Variants in MAST2 observed in about 807,000 individuals in gnomAD.
MAST2 encodes microtubule associated serine/threonine kinase 2.
In MAST2, 70 loss-of-function variants were observed where a neutral mutation model predicts 147.4. That is an observed-to-expected ratio of 0.47 (90% CI 0.39 to 0.58). The LOEUF (loss-of-function observed/expected upper bound fraction) is 0.58, where lower values mean the gene tolerates loss of function less well. MAST2 is among the 20% of genes least tolerant of loss of function. The probability of loss-of-function intolerance (pLI) is 0.00; values close to 1 mark genes in which losing one functional copy is unlikely to be tolerated. For missense variants in MAST2, 2,080 were observed against 2,302.3 expected, an observed-to-expected ratio of 0.90 and a Z score of 1.98; for synonymous variants, 869 against 896.8, an observed-to-expected ratio of 0.97 and a Z score of 0.55.
intron 3 of MAST2, among the ~76,000 whole-genome samples, chr1:45,870,640 T>C (rs1007209089): frequency 6.6e-6 from 1 of 151,656 alleles, no homozygotes; most frequent in Non-Finnish European, 1.5e-5. Context: ...ATCAGTGGAA[T>C]GCCGAGTACA....
chr1:46,006,116 G>C, intron 7 of MAST2, 125 bp from the exon 8 acceptor site: 1 of 897,268 alleles, frequency 1.1e-6, no homozygotes, highest in South Asian at 1.9e-5. Context: ...AGGGAGTAGG[G>C]GAAAGAAGAC....
chr1:45,928,352 T>C lies in MAST2; in HGVS notation c.501-31034T>C, dbSNP rs1329576471. 7.9e-5 allele frequency among the ~76,000 whole-genome samples: 12 copies of C among 152,318 alleles called. 1 individual carries two copies. The South Asian group carries it at 2.5e-3, about 32-fold the overall frequency. On this transcript the variant is annotated intron_variant, in intron 4 of 28. Coordinates refer to ENST00000361297, the MANE Select transcript of MAST2 (RefSeq NM_015112.3). ...TATCAATGTAATCAAATATCCAGTTTATGTTCAAATTTTTTTTGCAGTTGG... is the reference window on the plus strand; with the variant it reads ...TATCAATGTAATCAAATATCCAGTTCATGTTCAAATTTTTTTTGCAGTTGG...
chr1:45,994,274 C>CT (rs869216588), intron 5 of MAST2, among the ~76,000 whole-genome samples: 1,504 of 61,882 alleles, frequency 0.024, 112 homozygotes, highest in Non-Finnish European at 0.03. Context: ...CCCTAACCCT[C>CT]TTTTTTTTTT....
At chr1:46,009,633 ATGTT>A (rs1645634138) in intron 9 of MAST2, among the ~76,000 whole-genome samples, 1 of 152,198 alleles carries the variant, frequency 6.6e-6, no homozygotes, top group South Asian at 2.1e-4. Context: ...TCCTCCTTGT[ATGTT>A]AGGTGTTTTT....
At chr1:45,876,629 C>T (rs1009699111) in intron 3 of MAST2, among the ~76,000 whole-genome samples, 3 of 152,168 alleles carry the variant, frequency 2.0e-5, no homozygotes, top group Non-Finnish European at 4.4e-5. Context: ...AGCTTTTCTC[C>T]CCAACTTGCT....
intron 4 of MAST2, among the ~76,000 whole-genome samples, chr1:45,895,760 A>G (rs1648630369): frequency 6.6e-6 from 1 of 152,252 alleles, no homozygotes; most frequent in Non-Finnish European, 1.5e-5. Context: ...AGAGAGAAAC[A>G]GGCAAATATT....
intron 4 of MAST2, among the ~76,000 whole-genome samples, chr1:45,951,308 C>CA (rs1658896046): frequency 6.6e-6 from 1 of 151,554 alleles, no homozygotes; most frequent in African/African-American, 2.4e-5. Context: ...GGAGGCTGGA[C>CA]ATGATGGCTT....
At chr1:46,030,457 C>T (rs1000069486) in intron 21 of MAST2, 150 bp from the exon 22 acceptor site, 13 of 1,002,160 alleles carry the variant, frequency 1.3e-5, no homozygotes, top group East Asian at 2.6e-5. Context: ...AGTGGAATAA[C>T]TCCTTCCCCA....
chr1:45,849,822 C>T (rs967442458), intron 3 of MAST2, among the ~76,000 whole-genome samples: 2 of 152,080 alleles, frequency 1.3e-5, no homozygotes, highest in African/African-American at 2.4e-5. Context: ...CACTGTGCCC[C>T]GCCCATATTT....
At chr1:46,027,337 C>T (rs547883786) in intron 16 of MAST2, among the ~76,000 whole-genome samples, 1 of 152,300 alleles carries the variant, frequency 6.6e-6, no homozygotes, top group Admixed American at 6.5e-5. Flanking sequence ...CTCCCTGAAA[C>T]AGGAGTATTA....
chr1:45,808,499 G>A (rs1476034548), intron 1 of MAST2, among the ~76,000 whole-genome samples: 3 of 152,164 alleles, frequency 2.0e-5, no homozygotes, highest in Admixed American at 6.5e-5. Flanking sequence ...GTGAGCCACC[G>A]TGCCTGGCCC....
chr1:45,968,042 T>C (rs1643678770), intron 5 of MAST2, among the ~76,000 whole-genome samples: 2 of 152,224 alleles, frequency 1.3e-5, no homozygotes, highest in South Asian at 4.1e-4. Context: ...AGCACCAACA[T>C]GAACCTCACA....
At chr1:45,916,438 T>A (rs1183731580) in intron 4 of MAST2, among the ~76,000 whole-genome samples, 1 of 152,210 alleles carries the variant, frequency 6.6e-6, no homozygotes, top group Non-Finnish European at 1.5e-5. Context: ...ATTACCTGTT[T>A]TCAATCTAAT....
chr1:45,922,272 C>T (rs913232057), intron 4 of MAST2, among the ~76,000 whole-genome samples: 2 of 152,214 alleles, frequency 1.3e-5, no homozygotes, highest in Non-Finnish European at 2.9e-5. Flanking sequence ...GGACTGGCGA[C>T]CCATCCCCCA....
rs1388102616 is a variant in MAST2, at chr1:45,852,010, A to T, written c.468+22429A>T. Among the ~76,000 whole-genome samples the T allele has an allele frequency of 2.0e-5, 3 of 152,198 alleles. No homozygotes were observed. In the East Asian group the frequency reaches 5.8e-4, roughly 29 times the overall value. ...TATGGTTGCATAGGAAGTTGCAAAA[A>T]TAGTGCAGAGTACTATGAACCCTTC... On this transcript the variant is annotated intron_variant, in intron 3 of 28. Transcript: ENST00000361297.
chr1:45,845,419 A>G (rs542135283), intron 3 of MAST2, among the ~76,000 whole-genome samples: 49 of 152,276 alleles, frequency 3.2e-4, no homozygotes, highest in South Asian at 2.5e-3. Flanking sequence ...TGTTAACAAG[A>G]CTTAGTTGAT....
At chr1:45,968,888 T>TC (rs1335181790) in intron 5 of MAST2, among the ~76,000 whole-genome samples, 2 of 151,792 alleles carry the variant, frequency 1.3e-5, no homozygotes, top group Non-Finnish European at 2.9e-5. Flanking sequence ...TTTTTTTTTT[T>TC]TCGGTCCTTT....
At chr1:45,955,288 G>A (rs904483788) in intron 4 of MAST2, among the ~76,000 whole-genome samples, 14 of 151,916 alleles carry the variant, frequency 9.2e-5, no homozygotes, top group Non-Finnish European at 1.3e-4. Flanking sequence ...CATAATATTC[G>A]CATATAACCT....
chr1:45,977,107 CAGA>C (rs1180375708), intron 5 of MAST2, among the ~76,000 whole-genome samples: 1 of 152,140 alleles, frequency 6.6e-6, no homozygotes, highest in Admixed American at 6.5e-5. Flanking sequence ...AGAAGGTGTA[CAGA>C]AGAAAATCTG....
Sources: allele counts gnomAD v4.1 joint callset (sites outside exome capture counted in the v4.1 genomes callset), GRCh38; gene constraint gnomAD v4.1.1; transcripts MANE v1.5; gene names NCBI Gene and HGNC (gene_info 2026-07-23, HGNC 2026-07-21).